Variants in RNF170 observed in about 807,000 individuals in gnomAD.
The protein encoded by RNF170 is E3 ubiquitin-protein ligase RNF170.
A neutral mutation model predicts 32.7 loss-of-function variants in RNF170; 12 were observed. That is an observed-to-expected ratio of 0.37 (90% CI 0.24 to 0.60). RNF170 has a LOEUF of 0.60. Among genes scored for constraint, RNF170 ranks in the 20% least tolerant of loss-of-function variants. The pLI, the probability that RNF170 is intolerant of heterozygous loss-of-function variation, is 0.72. For synonymous variants in RNF170, 91 were observed against 103.6 expected, an observed-to-expected ratio of 0.88 and a Z score of 0.74; for missense variants, 212 against 311.2, an observed-to-expected ratio of 0.68 and a Z score of 2.40.
chr8:42,851,821 G>A (rs1460828572), downstream of RNF170, among the ~76,000 whole-genome samples: 2 of 152,014 alleles, frequency 1.3e-5, no homozygotes, highest in Non-Finnish European at 2.9e-5. Flanking sequence ...TTGTAGAGAC[G>A]GGGGTCTCAC....
At chr8:42,883,043 C>T (rs1301224505) in intron 2 of RNF170, among the ~76,000 whole-genome samples, 1 of 150,028 alleles carries the variant, frequency 6.7e-6, no homozygotes, top group Non-Finnish European at 1.5e-5. Flanking sequence ...AGCCTGGGCA[C>T]CAAGAGAGAA....
intron 3 of RNF170, 108 bp downstream of exon 3, chr8:42,873,823 T>G: frequency 5.5e-6 from 4 of 727,608 alleles, no homozygotes; most frequent in Non-Finnish European, 9.9e-6. Context: ...AATTTGAAGC[T>G]GGAAAGAAGC....
At chr8:42,897,252 C>A, upstream of RNF170, 1 of 1,129,300 alleles carries the variant, frequency 8.9e-7, no homozygotes, top group Non-Finnish European at 1.1e-6. Flanking sequence ...GGACCCTCCA[C>A]GCGCGGCCCG....
chr8:42,879,784 C>T (rs1389308890), intron 2 of RNF170, among the ~76,000 whole-genome samples: 1 of 151,898 alleles, frequency 6.6e-6, no homozygotes, highest in Non-Finnish European at 1.5e-5. Flanking sequence ...AAGCAATTCT[C>T]GTGCCTCAGC....
intron 5 of RNF170, among the ~76,000 whole-genome samples, chr8:42,862,810 A>C (rs752661084): frequency 1.8e-4 from 28 of 152,286 alleles, no homozygotes; most frequent in Non-Finnish European, 3.2e-4. Context: ...CGGGCCAGGC[A>C]CTCTGCTTAG....
In RNF170 at chr8:42,896,236, C is replaced by CG. The variant is rs1255084108; in HGVS notation, c.-8+247dup. 92 of 324,262 alleles carry CG rather than the reference C, an allele frequency of 2.8e-4. 1 individual carries two copies. The highest frequency in any genetic ancestry group is 1.7e-3 in the South Asian group (74 of 43,974). The allele number at this position is 324,262 out of a possible 1,614,324, so 20.1% of individuals were successfully genotyped here. On this transcript the variant is annotated intron_variant, in intron 1 of 6. Transcript: ENST00000527424. ...ACCCTAGAGGGAGCGGCGGTGTCCT[C>CG]GCCGCCGCCAAACCCACCTAGAGCC...
At chr8:42,857,702 G>A (rs969263920) in intron 6 of RNF170, among the ~76,000 whole-genome samples, 1 of 152,138 alleles carries the variant, frequency 6.6e-6, no homozygotes, top group Non-Finnish European at 1.5e-5. Context: ...AATAATAATT[G>A]AGTAATAGTA....
At chr8:42,874,183 T>C (rs1304463040) in intron 2 of RNF170, among the ~76,000 whole-genome samples, 177 bp from the exon 3 acceptor site, 1 of 152,208 alleles carries the variant, frequency 6.6e-6, no homozygotes, top group Non-Finnish European at 1.5e-5. Flanking sequence ...TCTTCTGAGA[T>C]CACTGATCAT....
chr8:42,890,324 C>A (rs1228641040), intron 1 of RNF170, among the ~76,000 whole-genome samples: 1 of 149,242 alleles, frequency 6.7e-6, no homozygotes, highest in Non-Finnish European at 1.5e-5. Context: ...GTCGCCCAGG[C>A]TGGAGTGCAG....
At chr8:42,876,543 T>A (rs1369730662) in intron 2 of RNF170, among the ~76,000 whole-genome samples, 1 of 152,026 alleles carries the variant, frequency 6.6e-6, no homozygotes, top group African/African-American at 2.4e-5. Flanking sequence ...CAATTCTCGC[T>A]AGACACCAGA....
intron 5 of RNF170, among the ~76,000 whole-genome samples, chr8:42,863,796 T>C (rs1471053360): frequency 2.0e-5 from 3 of 152,152 alleles, no homozygotes; most frequent in Non-Finnish European, 4.4e-5. Context: ...GAGAGGCATA[T>C]AGAAACATCA....
chr8:42,865,461 A>G lies in RNF170; in HGVS notation c.351T>C (p.Tyr117=), dbSNP rs1333976966. Residue 117 remains tyrosine (Y), a synonymous_variant, in exon 5 of 7, where the codon TAT becomes TAC. Coordinates refer to ENST00000527424, the MANE Select transcript of RNF170 (RefSeq NM_030954.4). Reference sequence around the variant, plus strand: ...AACTGATTGCCCCAAGCCATGAACCATATCGCCAGTAAGCAATAATGCAGG... The same window carrying G: ...AACTGATTGCCCCAAGCCATGAACCGTATCGCCAGTAAGCAATAATGCAGG... The part of the protein sequence containing the change: ...CGACIIAYWR[Y]GSWLGAISCP... The G allele has an allele frequency of 8.1e-6, 13 of 1,613,864 alleles. No homozygotes were observed. In the East Asian group the frequency reaches 2.7e-4, roughly 33 times the overall value.
chr8:42,859,237 T>C (rs1803477869), intron 6 of RNF170, among the ~76,000 whole-genome samples: 1 of 152,118 alleles, frequency 6.6e-6, no homozygotes, highest in Non-Finnish European at 1.5e-5. Context: ...AAAACATGTA[T>C]CAGGCTGCTG....
chr8:42,856,200 T>G lies in RNF170; in HGVS notation c.736A>C (p.Ile246Leu). ...VIFLLLIYIS[I>L]MYREVITQRL... Reference sequence around the variant, plus strand: ...TGGGTTATCACTTCTCGATACATAATAGAGATGTAGATAAGCAATAAAAAG... The same window carrying G: ...TGGGTTATCACTTCTCGATACATAAGAGAGATGTAGATAAGCAATAAAAAG... The change falls in exon 7 of 7, where the codon ATT (isoleucine) becomes CTT (leucine). Residue 246 changes from isoleucine (I) to leucine (L), a missense_variant. By Grantham distance (5) the Ile-to-Leu change is conservative (BLOSUM62 2). Transcript: ENST00000527424. 6.2e-7 allele frequency: 1 copy of G among 1,612,356 alleles called. No individual in the cohort carries two copies.
downstream of RNF170, among the ~76,000 whole-genome samples, chr8:42,852,381 T>C (rs964437092): frequency 3.3e-5 from 5 of 152,204 alleles, no homozygotes; most frequent in Admixed American, 2.6e-4. Context: ...AAACTTATCA[T>C]TGGTATGGTG....
intron 4 of RNF170, among the ~76,000 whole-genome samples, chr8:42,868,425 A>C (rs1349325211): frequency 6.6e-6 from 1 of 152,256 alleles, no homozygotes; most frequent in Admixed American, 6.5e-5. Flanking sequence ...ACAACTGTTT[A>C]AACAGAAAGA....
upstream of RNF170, chr8:42,896,617 C>A (rs1447342462): frequency 6.6e-6 from 3 of 453,454 alleles, no homozygotes; most frequent in South Asian, 1.5e-5. Flanking sequence ...GGTGCGGGCG[C>A]ACGCGCACTG....
At chr8:42,881,431 T>C (rs902207635) in intron 2 of RNF170, 4 of 152,028 alleles carry the variant, frequency 2.6e-5, no homozygotes, top group African/African-American at 7.3e-5. Flanking sequence ...TGGCCCAGGA[T>C]GAAAACAGAG....
chr8:42,862,372 G>T (rs1008941679), intron 5 of RNF170, among the ~76,000 whole-genome samples: 1 of 152,128 alleles, frequency 6.6e-6, no homozygotes, highest in Admixed American at 6.5e-5. Flanking sequence ...ATAAAAAAAA[G>T]AAATTTTTGA....
Sources: allele counts gnomAD v4.1 joint callset (sites outside exome capture counted in the v4.1 genomes callset), GRCh38; gene constraint gnomAD v4.1.1; transcripts MANE v1.5; gene names NCBI Gene and HGNC (gene_info 2026-07-23, HGNC 2026-07-21).